LMO7: variants seen among roughly 807,000 people sequenced by gnomAD.
LMO7 encodes LIM domain 7.
Under a neutral mutation model 206.5 loss-of-function variants are expected in LMO7, and 120 were observed. The ratio of observed to expected loss-of-function variants is 0.58; its 90% CI spans 0.50 to 0.68. The LOEUF is 0.68. Ranked by LOEUF, LMO7 falls within the 30% of genes least tolerant of loss-of-function variation. The pLI, the probability that LMO7 is intolerant of heterozygous loss-of-function variation, is 0.00. For missense variants in LMO7, 1,959 were observed against 1,957.9 expected, an observed-to-expected ratio of 1.00 and a Z score of -0.01; for synonymous variants, 706 against 681.5, an observed-to-expected ratio of 1.04 and a Z score of -0.56.
chr13:75,737,501 C>T (rs1272607254), intron 3 of LMO7, among the ~76,000 whole-genome samples: 2 of 149,418 alleles, frequency 1.3e-5, no homozygotes, highest in African/African-American at 5.0e-5. Context: ...CGCCTGTAAT[C>T]CCAGCACTCT....
In LMO7 at chr13:75,663,135, T is replaced by A. The variant is rs925913216; in HGVS notation, c.69+26409T>A. Among the ~76,000 whole-genome samples the A allele has an allele frequency of 1.4e-4, 21 of 152,090 alleles. No individual in the cohort carries two copies. The East Asian group carries it at 2.5e-3, about 18-fold the overall frequency. On this transcript the variant is annotated intron_variant, in intron 1 of 30. Coordinates refer to ENST00000377534, the MANE Select transcript of LMO7 (RefSeq NM_001306080.2). ...AATTAAATGTATAAGTTTTTTTTTT[T>A]ACTATAAATCTCTCTCTCTATAAAA...
At chr13:75,856,372 C>CTT in intron 29 of LMO7, 134 bp from the exon 30 acceptor site, 1 of 586,070 alleles carries the variant, frequency 1.7e-6, no homozygotes, top group Non-Finnish European at 3.0e-6. Context: ...ATCTTTCGGC[C>CTT]TTTTTTTTTC....
chr13:75,672,395 C>T (rs563696621), intron 1 of LMO7, among the ~76,000 whole-genome samples: 1 of 152,022 alleles, frequency 6.6e-6, no homozygotes, highest in Non-Finnish European at 1.5e-5. Context: ...GCATGTGCCA[C>T]CATGCCTGGC....
intron 21 of LMO7, 93 bp downstream of exon 21, chr13:75,840,203 TAAGAATTTATC>T: frequency 7.0e-7 from 1 of 1,427,166 alleles, no homozygotes; most frequent in Non-Finnish European, 9.8e-7. Flanking sequence ...TTAGGTTGCA[TAAGAATTTATC>T]AGAGAGTTAT....
intron 14 of LMO7, among the ~76,000 whole-genome samples, chr13:75,823,364 A>G (rs549689005): frequency 1.3e-5 from 2 of 152,312 alleles, no homozygotes; most frequent in East Asian, 3.9e-4. Flanking sequence ...ATGTGATATG[A>G]ATGCTTTTGC....
intron 1 of LMO7, among the ~76,000 whole-genome samples, chr13:75,655,318 C>T (rs1469180804): frequency 1.3e-5 from 2 of 152,102 alleles, no homozygotes; most frequent in African/African-American, 4.8e-5. Flanking sequence ...TCATTTCCAG[C>T]ATTGTAGATG....
At chr13:75,752,328 A>G (rs2047340071) in intron 3 of LMO7, among the ~76,000 whole-genome samples, 1 of 151,958 alleles carries the variant, frequency 6.6e-6, no homozygotes, top group South Asian at 2.1e-4. Flanking sequence ...ACGGGGTTTC[A>G]CCATGAGTTA....
At chr13:75,715,131 A>G (rs2043429277) in intron 2 of LMO7, among the ~76,000 whole-genome samples, 1 of 152,242 alleles carries the variant, frequency 6.6e-6, no homozygotes, top group Non-Finnish European at 1.5e-5. Flanking sequence ...TAAATAGATC[A>G]TTAAACATGT....
chr13:75,621,898 T>A (rs1306957798), intron 1 of LMO7: 1 of 1,503,772 alleles, frequency 6.6e-7, no homozygotes, highest in African/African-American at 1.4e-5. Flanking sequence ...TACTTTTATA[T>A]TATTACTTTG....
intron 1 of LMO7, among the ~76,000 whole-genome samples, chr13:75,695,432 C>T (rs760741476): frequency 6.6e-6 from 1 of 152,214 alleles, no homozygotes; most frequent in Non-Finnish European, 1.5e-5. Flanking sequence ...CTGCAACCTC[C>T]GCCTCCCGGG....
intron 11 of LMO7, chr13:75,816,650 CGGATCTTATA>C (rs142628522): frequency 0.14 from 20,884 of 152,554 alleles, 1,772 homozygotes; most frequent in Admixed American, 0.22. Flanking sequence ...AGTGGTAGGG[CGGATCTTATA>C]GGATCTTTTA....
intron 1 of LMO7, among the ~76,000 whole-genome samples, chr13:75,649,884 TG>T (rs2037393862): frequency 6.6e-6 from 1 of 152,232 alleles, no homozygotes; most frequent in South Asian, 2.1e-4. Flanking sequence ...GAAGATTGTT[TG>T]GGGAGGTCAC....
chr13:75,805,490 G>A lies in LMO7; in HGVS notation c.926G>A (p.Arg309Lys). 6.2e-7 allele frequency: 1 copy of A among 1,613,836 alleles called. No homozygotes were observed. Among genetic ancestry groups the A allele is most frequent in the South Asian group, 1.1e-5 (1 of 91,048 alleles). ...GATGTTTTGAACAGTAATCAGAGGA[G>A]GATTTGGGGCACCAATGTGGAGAAC... ...ADGTFSSNQR[R>K]IWGTNVENWP... The change falls in exon 9 of 31, where the codon AGG becomes AAG. Residue 309 changes from arginine to lysine, a missense_variant. Transcript: ENST00000377534.
intron 2 of LMO7, among the ~76,000 whole-genome samples, chr13:75,625,796 C>T (rs1249255604): frequency 2.0e-5 from 3 of 152,130 alleles, no homozygotes; most frequent in African/African-American, 2.4e-5. Flanking sequence ...CATTCTGAAC[C>T]GATCTTCATG....
chr13:75,774,488 C>T (rs1335715505), intron 4 of LMO7, among the ~76,000 whole-genome samples: 1 of 152,054 alleles, frequency 6.6e-6, no homozygotes, highest in Non-Finnish European at 1.5e-5. Context: ...AATACTGTTA[C>T]AAATATAAGT....
In LMO7 at chr13:75,744,071, G is replaced by A. The variant is rs145816167; in HGVS notation, c.211-16861G>A. On this transcript the variant is annotated intron_variant, in intron 3 of 30. Transcript: ENST00000377534. ...AGTAAATATCTGAATGCCTTAACCC[G>A]TCATGTAAATGGCATATAAATAAGT... Among the ~76,000 whole-genome samples, 613 of 152,142 alleles carry A rather than the reference G, an allele frequency of 4.0e-3. 5 individuals are homozygous for A. The highest frequency in any genetic ancestry group is 0.014 in the African/African-American group (581 of 41,514).
chr13:75,716,045 G>A (rs2043504772), intron 2 of LMO7, among the ~76,000 whole-genome samples: 1 of 152,078 alleles, frequency 6.6e-6, no homozygotes, highest in African/African-American at 2.4e-5. Flanking sequence ...CTGGCTCACT[G>A]CCAGAATCAT....
Position 75,807,699 on chromosome 13 carries a change from T to C in LMO7, c.1416T>C (p.His472=). ...TTGTCAGAAAGACTGGGGCTTTCCA[T>C]GCAAATCCATATGTTCTCCGAGCTT... ...DFFVRKTGAF[H]ANPYVLRAFE... The change falls in exon 10 of 31, where the codon CAT becomes CAC. Residue 472 remains histidine (H), a synonymous_variant. Coordinates refer to ENST00000377534, the MANE Select transcript of LMO7 (RefSeq NM_001306080.2). The C allele has an allele frequency of 6.2e-7, 1 of 1,614,044 alleles. No homozygotes were observed. The highest frequency in any genetic ancestry group is 1.7e-5 in the Admixed American group (1 of 60,026).
At chr13:75,649,596 A>C (rs1324344636) in intron 1 of LMO7, among the ~76,000 whole-genome samples, 1 of 152,162 alleles carries the variant, frequency 6.6e-6, no homozygotes, top group African/African-American at 2.4e-5. Flanking sequence ...AGCTTGGTAA[A>C]GTTTTAGTGT....
Sources: allele counts gnomAD v4.1 joint callset (sites outside exome capture counted in the v4.1 genomes callset), GRCh38; gene constraint gnomAD v4.1.1; transcripts MANE v1.5; gene names NCBI Gene and HGNC (gene_info 2026-07-23, HGNC 2026-07-21).